The following BORCS7 variants were observed in gnomAD, a reference collection of about 807,000 sequenced individuals.
The protein encoded by BORCS7 is BLOC-1-related complex subunit 7.
Under a neutral mutation model 17.5 loss-of-function variants are expected in BORCS7, and 20 were observed. The ratio of observed to expected loss-of-function variants is 1.14; its 90% CI spans 0.80 to 1.66. BORCS7 has a LOEUF of 1.66. Ranked by LOEUF, BORCS7 falls within the 40% of genes most tolerant of loss-of-function variation. The pLI is 0.00. For missense variants in BORCS7, 122 were observed against 129.7 expected (o/e 0.94, Z 0.29); for synonymous variants, 57 against 49.8 (o/e 1.14, Z -0.61).
At position 102,854,319 on chromosome 10, in the gene BORCS7, G is replaced by A. The variant is rs201180336; in HGVS notation, c.33G>A (p.Ala11=). 26 of 1,603,228 alleles carry A rather than the reference G, an allele frequency of 1.6e-5. No individual in the cohort carries two copies. The East Asian group carries it at 5.4e-4, about 33-fold the overall frequency. MMATGTPESQ[A]RFGQSVKGLL... is the part of the protein sequence containing the mutation. ...CGACTGGAACGCCAGAGTCTCAAGC[G>A]CGGTTCGGTCAGTCCGTGAAGGGGC... Residue 11 remains alanine (A), a synonymous_variant, in exon 1 of 5, where the codon GCG becomes GCA. Transcript: ENST00000339834.
chr10:102,858,188 TATAGAGAGAGAGAGCGAGCG>T (rs1844459843), intron 1 of BORCS7, among the ~76,000 whole-genome samples: 1 of 106,384 alleles, frequency 9.4e-6, no homozygotes, highest in East Asian at 2.3e-4. Flanking sequence ...TATATATATA[TATAGAGAGAGAGAGCGAGCG>T]AGAGAGAGAG....
intron 1 of BORCS7, among the ~76,000 whole-genome samples, chr10:102,857,403 C>T (rs1844444720): frequency 6.6e-6 from 1 of 152,102 alleles, no homozygotes; most frequent in Non-Finnish European, 1.5e-5. Context: ...TCACCATCTC[C>T]CATCTATAGG....
intron 4 of BORCS7, 27 bp downstream of exon 4, chr10:102,862,207 A>G (rs1416301676): frequency 6.2e-7 from 1 of 1,601,706 alleles, no homozygotes; most frequent in African/African-American, 1.3e-5. Flanking sequence ...GTAGAGGAGT[A>G]GGGAACCAAC....
At chr10:102,860,842 G>A in intron 3 of BORCS7, 1 of 485,644 alleles carries the variant, frequency 2.1e-6, no homozygotes, top group South Asian at 2.9e-5. Context: ...TGCTAGCACT[G>A]TACTTGGCAC....
chr10:102,856,418 A>AT (rs985522674), intron 1 of BORCS7, among the ~76,000 whole-genome samples: 6 of 152,060 alleles, frequency 3.9e-5, no homozygotes, highest in African/African-American at 1.4e-4. Context: ...AATGAAAACA[A>AT]TTTTTTAAAT....
intron 3 of BORCS7, among the ~76,000 whole-genome samples, chr10:102,861,052 G>C (rs755010134): frequency 6.6e-6 from 1 of 152,176 alleles, no homozygotes; most frequent in South Asian, 2.1e-4. Flanking sequence ...ATTATAATTT[G>C]CTCTTCATCT....
chr10:102,858,907 A>T (rs1404988947), intron 1 of BORCS7, among the ~76,000 whole-genome samples: 1 of 152,010 alleles, frequency 6.6e-6, no homozygotes, highest in African/African-American at 2.4e-5. Flanking sequence ...CCGGTAGGAT[A>T]CACATAACAG....
chr10:102,860,702 CAGA>C lies in BORCS7; in HGVS notation c.248+167_248+169del, dbSNP rs1321997314. 7.1e-6 allele frequency: 5 copies of C among 709,120 alleles called. No individual in the cohort carries two copies. The African/African-American group carries it at 7.1e-5, about 10-fold the overall frequency. The allele number at this position is 709,120 out of a possible 1,614,324, so 43.9% of individuals were successfully genotyped here. ...TCGATGGCAAAGATGCCTGAGACTA[CAGA>C]AGAAGTGGGGGTAAAGGATGAGAAT... On this transcript the variant is annotated intron_variant, in intron 3 of 4. Coordinates refer to ENST00000339834, the MANE Select transcript of BORCS7 (RefSeq NM_001136200.2).
chr10:102,860,373 T>A lies in BORCS7; in HGVS notation c.183T>A (p.Asp61Glu), dbSNP rs1177325177. 4 of 1,614,164 alleles carry A rather than the reference T, an allele frequency of 2.5e-6. No homozygotes were observed. The highest frequency in any genetic ancestry group is 3.4e-6 in the Non-Finnish European group (4 of 1,180,018). Reference protein sequence around the residue: ...QAARNMVLQEDAILHSEDSLR... With the variant: ...QAARNMVLQEEAILHSEDSLR... The stretch of plus-strand genomic sequence containing the variant: ...CTCGAAACATGGTACTCCAGGAAGA[T>A]GCCATCTTGCACTCAGAAGATGTAA... Residue 61 changes from aspartate to glutamate, a missense_variant, in exon 2 of 5, where the codon GAT becomes GAA. Transcript: ENST00000339834.
chr10:102,859,535 A>ACC (rs11441374), intron 1 of BORCS7, among the ~76,000 whole-genome samples: 5 of 134,880 alleles, frequency 3.7e-5, no homozygotes, highest in African/African-American at 8.5e-5. Flanking sequence ...GCTTCCCCAC[A>ACC]CCCCCCACTG....
In BORCS7 at chr10:102,864,593, A is replaced by G. The variant is rs1438050222; in HGVS notation, c.*1669A>G. On this transcript the variant is annotated 3_prime_UTR_variant, in exon 5 of 5. Transcript: ENST00000339834. ...TATGTGATAAAATAATACCTTTCAC[A>G]ATCAAAATTTTAATAGTAAATATAA... The G allele has an allele frequency of 6.6e-6, 1 of 152,164 alleles. No homozygotes were observed. Among genetic ancestry groups the G allele is most frequent in the Non-Finnish European group, 1.5e-5 (1 of 67,998 alleles). The allele number at this position is 152,164 out of a possible 1,614,324, so 9.4% of individuals were successfully genotyped here.
intron 1 of BORCS7, among the ~76,000 whole-genome samples, chr10:102,855,332 A>G (rs1016139215): frequency 6.6e-6 from 1 of 151,400 alleles, no homozygotes; most frequent in Admixed American, 6.6e-5. Flanking sequence ...CTATTTTTGT[A>G]TTCTTAGTAG....
At chr10:102,857,804 A>G (rs1348083492) in intron 1 of BORCS7, among the ~76,000 whole-genome samples, 1 of 152,280 alleles carries the variant, frequency 6.6e-6, no homozygotes, top group South Asian at 2.1e-4. Context: ...GGAGATAGCA[A>G]TTGAATAGGA....
In BORCS7 at chr10:102,863,164, T is replaced by C. The variant is rs890061370; in HGVS notation, c.*240T>C. ...GCCTGGCCAAGATGGTGAAACCCCG[T>C]CTCTACTAAAAATACAAAGAATTAG... On this transcript the variant is annotated 3_prime_UTR_variant, in exon 5 of 5. Coordinates refer to ENST00000339834, the MANE Select transcript of BORCS7 (RefSeq NM_001136200.2). 4.8e-5 allele frequency: 17 copies of C among 356,852 alleles called. No individual in the cohort carries two copies. The Admixed American group carries it at 7.3e-4, about 15-fold the overall frequency. The allele number at this position is 356,852 out of a possible 1,614,324, so 22.1% of individuals were successfully genotyped here. A position where few individuals can be genotyped will look rare whatever the true frequency, so the allele number is the denominator to read the frequency against.
In BORCS7 at chr10:102,862,084, TA is replaced by T. The variant is rs1239112425; in HGVS notation, c.249-75del. 7 of 1,386,104 alleles carry T rather than the reference TA, an allele frequency of 5.1e-6. No homozygotes were observed. The African/African-American group carries it at 8.6e-5, about 17-fold the overall frequency. 85.9% of individuals were successfully genotyped at this position (1,386,104 alleles called of 1,614,324 possible). A position where few individuals can be genotyped will look rare whatever the true frequency, so the allele number is the denominator to read the frequency against. On this transcript the variant is annotated intron_variant, in intron 3 of 4. Transcript: ENST00000339834. ...GACATAAGCTGAAATTTCTTCTGCCTATATGTATTATCTGGTCATAAATGAA... is the reference window on the plus strand; with the variant it reads ...GACATAAGCTGAAATTTCTTCTGCCTTATGTATTATCTGGTCATAAATGAA...
At position 102,854,340 on chromosome 10, in the gene BORCS7, G is replaced by A. The variant is rs34926154; in HGVS notation, c.54G>A (p.Lys18=). ...AAGCGCGGTTCGGTCAGTCCGTGAA[G>A]GGGCTTCTCACGGAGAAGGTGACCA... is the stretch of plus-strand genomic sequence containing the variant. ...ESQARFGQSV[K]GLLTEKVTTC... Residue 18 remains lysine, a synonymous_variant, in exon 1 of 5, where the codon AAG becomes AAA. Coordinates refer to ENST00000339834, the MANE Select transcript of BORCS7 (RefSeq NM_001136200.2). 1.1e-3 allele frequency: 1,801 copies of A among 1,597,100 alleles called. 13 individuals are homozygous for A. In the African/African-American group the frequency reaches 0.021, roughly 19 times the overall value.
At chr10:102,859,982 C>T (rs959212769) in intron 1 of BORCS7, among the ~76,000 whole-genome samples, 7 of 152,126 alleles carry the variant, frequency 4.6e-5, no homozygotes, top group Non-Finnish European at 1.0e-4. Flanking sequence ...TAAAGAATTA[C>T]GAGTCATGTT....
intron 1 of BORCS7, among the ~76,000 whole-genome samples, chr10:102,859,590 G>A (rs1844484876): frequency 6.9e-6 from 1 of 144,224 alleles, no homozygotes; most frequent in Non-Finnish European, 1.5e-5. Context: ...TTTTGAGACA[G>A]GGTCTTGCTT....
intron 3 of BORCS7, among the ~76,000 whole-genome samples, chr10:102,861,744 AAAGC>A (rs921197879): frequency 2.6e-5 from 4 of 152,006 alleles, no homozygotes; most frequent in Non-Finnish European, 5.9e-5. Flanking sequence ...AACAAAAACA[AAAGC>A]AAACAAACAA....
Sources: gnomAD v4.1 joint callset for allele counts (sites outside exome capture counted in the v4.1 genomes callset) on GRCh38, gnomAD v4.1.1 for gene constraint, MANE v1.5 for transcripts, NCBI Gene and HGNC (gene_info 2026-07-23, HGNC 2026-07-21) for gene names.